The following FAM78B variants were observed in gnomAD, a reference collection of about 807,000 sequenced individuals.
The protein encoded by FAM78B is family with sequence similarity 78 member B.
Under a neutral mutation model 20.0 loss-of-function variants are expected in FAM78B, and 10 were observed. The ratio of observed to expected loss-of-function variants is 0.50; its 90% CI spans 0.31 to 0.85. The LOEUF is 0.85. FAM78B is among the 40% of genes least tolerant of loss of function. The pLI is 0.05. For missense variants in FAM78B, 283 were observed against 345.0 expected (o/e 0.82, Z 1.42); for synonymous variants, 135 against 132.8 (o/e 1.02, Z -0.12).
intron 1 of FAM78B, among the ~76,000 whole-genome samples, chr1:166,109,849 T>C (rs1333553212): frequency 3.3e-5 from 1 of 30,274 alleles, no homozygotes; most frequent in Non-Finnish European, 7.8e-5. Flanking sequence ...TGTATATATA[T>C]ATATATATAT....
chr1:166,125,492 T>G (rs1302375459), intron 1 of FAM78B, among the ~76,000 whole-genome samples: 1 of 152,202 alleles, frequency 6.6e-6, no homozygotes, highest in Non-Finnish European at 1.5e-5. Flanking sequence ...GACAGCAAAT[T>G]TATCAATGTC....
chr1:166,106,030 A>C (rs559202634), intron 1 of FAM78B, among the ~76,000 whole-genome samples: 11 of 152,114 alleles, frequency 7.2e-5, no homozygotes, highest in African/African-American at 1.9e-4. Flanking sequence ...GCAGCCATAA[A>C]AAATGATGAG....
chr1:166,088,071 C>A (rs1652907289), intron 1 of FAM78B, among the ~76,000 whole-genome samples: 1 of 152,112 alleles, frequency 6.6e-6, no homozygotes, highest in African/African-American at 2.4e-5. Flanking sequence ...TGCTTTGACC[C>A]AATTCTGCTC....
intron 1 of FAM78B, among the ~76,000 whole-genome samples, chr1:166,146,806 G>A (rs977567744): frequency 2.6e-5 from 4 of 152,188 alleles, no homozygotes; most frequent in Admixed American, 6.5e-5. Context: ...CTGAGCATTG[G>A]CATTCATTTC....
At chr1:166,127,228 C>T (rs1031757771) in intron 1 of FAM78B, among the ~76,000 whole-genome samples, 5 of 152,212 alleles carry the variant, frequency 3.3e-5, no homozygotes, top group African/African-American at 1.2e-4. Context: ...TCATTTCCTA[C>T]CACTTCCCCA....
At chr1:166,113,187 T>C (rs1201669686) in intron 1 of FAM78B, among the ~76,000 whole-genome samples, 1 of 152,216 alleles carries the variant, frequency 6.6e-6, no homozygotes, top group Non-Finnish European at 1.5e-5. Flanking sequence ...TGGACCAGGT[T>C]TGTTGGCCTT....
At chr1:166,156,577 AC>A (rs1372693639) in intron 1 of FAM78B, among the ~76,000 whole-genome samples, 3 of 152,174 alleles carry the variant, frequency 2.0e-5, no homozygotes, top group Non-Finnish European at 2.9e-5. Context: ...AATAGGAATA[AC>A]TGTTGTCCTA....
chr1:166,057,454 T>C (rs1444029192), exon 3 of FAM78B: 1 of 142,312 alleles, frequency 7.0e-6, no homozygotes, highest in Non-Finnish European at 1.6e-5. Flanking sequence ...ATACACACTG[T>C]ATTTAACTTT....
At chr1:166,150,289 T>C (rs1655627348) in intron 1 of FAM78B, among the ~76,000 whole-genome samples, 1 of 152,142 alleles carries the variant, frequency 6.6e-6, no homozygotes, top group African/African-American at 2.4e-5. Flanking sequence ...AGTGGAGTGC[T>C]AAGTAAAAAG....
intron 1 of FAM78B, among the ~76,000 whole-genome samples, chr1:166,164,539 C>T (rs1656283062): frequency 6.6e-6 from 1 of 152,186 alleles, no homozygotes; most frequent in South Asian, 2.1e-4. Flanking sequence ...GGAAACTGGG[C>T]CTCACATTTC....
downstream of FAM78B, among the ~76,000 whole-genome samples, chr1:166,068,154 A>G (rs1204245549): frequency 6.6e-6 from 1 of 152,194 alleles, no homozygotes; most frequent in Admixed American, 6.5e-5. Context: ...ATTAGATTCT[A>G]GGGTCAGTAT....
chr1:166,083,878 T>C (rs1417361453), intron 1 of FAM78B, among the ~76,000 whole-genome samples: 2 of 143,314 alleles, frequency 1.4e-5, no homozygotes, highest in Non-Finnish European at 3.0e-5. Flanking sequence ...ACATAACAGC[T>C]CACAAATGAG....
At chr1:166,123,966 A>G (rs1056241221) in intron 1 of FAM78B, among the ~76,000 whole-genome samples, 1 of 152,240 alleles carries the variant, frequency 6.6e-6, no homozygotes, top group Non-Finnish European at 1.5e-5. Context: ...GGCCTAGTCC[A>G]AAGTGGGAAG....
Position 166,070,378 on chromosome 1 carries a change from G to A in FAM78B, c.649C>T (p.Gln217Ter). 6.2e-7 allele frequency: 1 copy of A among 1,614,034 alleles called. No homozygotes were observed. The highest frequency in any genetic ancestry group is 1.7e-4 in the Middle Eastern group (1 of 6,058). Residue 217 changes from glutamine to a stop codon, truncating the protein, a stop_gained, in exon 2 of 2, where the codon CAG (glutamine) becomes TAG (stop). Transcript: ENST00000354422. LOFTEE classifies it high-confidence loss of function. ...QRARLVGRTQ[Q>*]EQPRILSRME... Reference sequence around the variant, plus strand: ...CGGCTCAGGATCCGGGGCTGCTCCTGCTGAGTCCTGCCCACCAGCCGGGCC... The same window carrying A: ...CGGCTCAGGATCCGGGGCTGCTCCTACTGAGTCCTGCCCACCAGCCGGGCC...
chr1:166,138,027 A>G (rs77000611), intron 1 of FAM78B, among the ~76,000 whole-genome samples: 3,965 of 152,328 alleles, frequency 0.026, 232 homozygotes, highest in Admixed American at 0.13. Context: ...AGATCTCTCT[A>G]GCCCTCCTTC....
At chr1:166,087,011 C>T (rs1652859343) in intron 1 of FAM78B, 1 of 152,142 alleles carries the variant, frequency 6.6e-6, no homozygotes, top group Admixed American at 6.5e-5. Context: ...GTGGTACACA[C>T]ACTGGCTTTC....
At chr1:166,130,223 A>G (rs907585675) in intron 1 of FAM78B, among the ~76,000 whole-genome samples, 3 of 152,246 alleles carry the variant, frequency 2.0e-5, no homozygotes, top group African/African-American at 7.2e-5. Flanking sequence ...TATCAAGCCC[A>G]TTAGAAAAGG....
intron 1 of FAM78B, among the ~76,000 whole-genome samples, chr1:166,134,541 T>G (rs1258819027): frequency 6.7e-6 from 1 of 149,198 alleles, no homozygotes; most frequent in Non-Finnish European, 1.5e-5. Flanking sequence ...ATAATAATAA[T>G]AAGTATAAGG....
chr1:166,148,544 G>T (rs185057263), intron 1 of FAM78B, among the ~76,000 whole-genome samples: 2 of 152,228 alleles, frequency 1.3e-5, no homozygotes, highest in African/African-American at 4.8e-5. Flanking sequence ...TTGTGTAAAC[G>T]CCTAGCACCT....
Sources: gnomAD v4.1 joint callset for allele counts (sites outside exome capture counted in the v4.1 genomes callset) on GRCh38, gnomAD v4.1.1 for gene constraint, MANE v1.5 for transcripts, NCBI Gene and HGNC (gene_info 2026-07-23, HGNC 2026-07-21) for gene names.